Variants in TNR observed in about 807,000 individuals in gnomAD.
TNR encodes tenascin R.
Under a neutral mutation model 150.4 loss-of-function variants are expected in TNR, and 45 were observed. The observed-to-expected ratio is 0.30, with a 90% CI of 0.24 to 0.38. The LOEUF is 0.38. TNR is among the 10% of genes least tolerant of loss of function. The probability of loss-of-function intolerance (pLI) is 1.00; values close to 1 mark genes in which losing one functional copy is unlikely to be tolerated. For missense variants in TNR, 1,544 were observed against 1,759.1 expected (o/e 0.88, Z 2.19); for synonymous variants, 687 against 678.4 (o/e 1.01, Z -0.20).
chr1:175,454,505 CT>C (rs201898736), intron 2 of TNR, among the ~76,000 whole-genome samples: 12,591 of 152,224 alleles, frequency 0.083, 604 homozygotes, highest in Non-Finnish European at 0.11. Context: ...GAGTCTCGCT[CT>C]GTTGCCCAGG....
intron 1 of TNR, among the ~76,000 whole-genome samples, chr1:175,631,015 AC>A (rs1218609781): frequency 1.3e-5 from 2 of 152,190 alleles, no homozygotes; most frequent in Non-Finnish European, 1.5e-5. Context: ...GACTGGTACT[AC>A]CCAGGACTGG....
intron 9 of TNR, among the ~76,000 whole-genome samples, chr1:175,368,477 C>T (rs1261986841): frequency 6.6e-6 from 1 of 152,216 alleles, no homozygotes; most frequent in Non-Finnish European, 1.5e-5. Flanking sequence ...GTTGGTCCCA[C>T]CTGGATAGTA....
At chr1:175,454,859 G>T (rs777690907) in intron 2 of TNR, among the ~76,000 whole-genome samples, 1 of 152,258 alleles carries the variant, frequency 6.6e-6, no homozygotes, top group African/African-American at 2.4e-5. Context: ...GTGGGAACAC[G>T]GGCAGCTTTA....
chr1:175,561,466 T>C (rs59377605), intron 1 of TNR, among the ~76,000 whole-genome samples: 8 of 152,136 alleles, frequency 5.3e-5, no homozygotes, highest in African/African-American at 1.7e-4. Flanking sequence ...TTCACTCACA[T>C]GGAGGCAAAG....
chr1:175,565,318 G>A (rs544621817), intron 1 of TNR, among the ~76,000 whole-genome samples: 1 of 152,264 alleles, frequency 6.6e-6, no homozygotes, highest in Non-Finnish European at 1.5e-5. Context: ...TGACATCACA[G>A]AACAGAAATG....
At chr1:175,575,740 C>T (rs567593029) in intron 1 of TNR, among the ~76,000 whole-genome samples, 99 of 152,262 alleles carry the variant, frequency 6.5e-4, no homozygotes, top group African/African-American at 2.4e-3. Flanking sequence ...TGGGAGAGAG[C>T]CCGCACCACA....
intron 2 of TNR, among the ~76,000 whole-genome samples, chr1:175,523,410 C>A (rs1659722188): frequency 1.3e-5 from 2 of 152,142 alleles, no homozygotes; most frequent in South Asian, 2.1e-4. Context: ...AACTAAATAA[C>A]CTTTTCTTCG....
At chr1:175,670,279 C>T (rs1054161947) in intron 1 of TNR, among the ~76,000 whole-genome samples, 3 of 152,164 alleles carry the variant, frequency 2.0e-5, no homozygotes, top group Non-Finnish European at 4.4e-5. Flanking sequence ...ATTTCAATCA[C>T]ATCAGGATCT....
intron 20 of TNR, chr1:175,335,422 C>T (rs1650189851): frequency 6.9e-6 from 2 of 291,522 alleles, no homozygotes; most frequent in South Asian, 1.2e-4. Flanking sequence ...GTGCCCCTCA[C>T]CGACCAGGCA....
chr1:175,440,223 T>C (rs1056857629), intron 2 of TNR, among the ~76,000 whole-genome samples: 5 of 152,094 alleles, frequency 3.3e-5, no homozygotes, highest in Non-Finnish European at 5.9e-5. Context: ...ATGTCCTTTA[T>C]AGGGACATGG....
At chr1:175,624,920 A>G (rs1664098667) in intron 1 of TNR, among the ~76,000 whole-genome samples, 1 of 152,230 alleles carries the variant, frequency 6.6e-6, no homozygotes, top group Non-Finnish European at 1.5e-5. Flanking sequence ...AGGGAAGACC[A>G]GCCTTCAGCT....
intron 1 of TNR, among the ~76,000 whole-genome samples, chr1:175,578,674 T>A (rs1662218152): frequency 6.6e-6 from 1 of 152,222 alleles, no homozygotes; most frequent in Non-Finnish European, 1.5e-5. Context: ...GTGATGTGGC[T>A]TAATGAGGAG....
chr1:175,323,106 C>A lies in TNR; in HGVS notation c.*251G>T. On this transcript the variant is annotated 3_prime_UTR_variant, in exon 23 of 23. Transcript: ENST00000367674. Reference sequence around the variant, plus strand: ...CCTTTAAGAAAACTTCCTACTTCTCCTCCTTGGTGGGAAAGGAGGTGAAGG... The same window carrying A: ...CCTTTAAGAAAACTTCCTACTTCTCATCCTTGGTGGGAAAGGAGGTGAAGG... The A allele has an allele frequency of 2.6e-6, 1 of 382,680 alleles. No individual in the cohort carries two copies. The highest frequency in any genetic ancestry group is 4.5e-5 in the East Asian group (1 of 22,112). 23.7% of individuals were successfully genotyped at this position (382,680 alleles called of 1,614,324 possible). A position where few individuals can be genotyped will look rare whatever the true frequency, so the allele number is the denominator to read the frequency against.
At chr1:175,647,435 C>CAAA (rs397745737) in intron 1 of TNR, among the ~76,000 whole-genome samples, 3 of 121,658 alleles carry the variant, frequency 2.5e-5, no homozygotes, top group Non-Finnish European at 3.6e-5. Flanking sequence ...CTATTCGGTG[C>CAAA]AAAAAAAAAA....
At chr1:175,630,215 T>C (rs1221221795) in intron 1 of TNR, among the ~76,000 whole-genome samples, 1 of 152,198 alleles carries the variant, frequency 6.6e-6, no homozygotes, top group East Asian at 1.9e-4. Context: ...AGAAGAGATC[T>C]GAAGAGTAGC....
chr1:175,468,578 A>G (rs1476010373), intron 2 of TNR, among the ~76,000 whole-genome samples: 2 of 152,192 alleles, frequency 1.3e-5, no homozygotes, highest in African/African-American at 2.4e-5. Context: ...AATTAATCCA[A>G]TCTGAGGAAA....
At chr1:175,703,251 A>C (rs1003771112) in intron 1 of TNR, among the ~76,000 whole-genome samples, 1 of 152,226 alleles carries the variant, frequency 6.6e-6, no homozygotes, top group African/African-American at 2.4e-5. Flanking sequence ...TAGTAATGCA[A>C]TCATTATAGA....
intron 1 of TNR, among the ~76,000 whole-genome samples, chr1:175,682,640 A>T (rs1437225750): frequency 6.6e-6 from 1 of 152,146 alleles, no homozygotes; most frequent in Admixed American, 6.5e-5. Flanking sequence ...ACTCTGATGG[A>T]GAGGACTAGC....
At chr1:175,465,697 T>C (rs1035404170) in intron 2 of TNR, among the ~76,000 whole-genome samples, 1 of 152,154 alleles carries the variant, frequency 6.6e-6, no homozygotes, top group Non-Finnish European at 1.5e-5. Flanking sequence ...ATCCAGGAGC[T>C]CCACCTCCTC....
Sources: allele counts gnomAD v4.1 joint callset (sites outside exome capture counted in the v4.1 genomes callset), GRCh38; gene constraint gnomAD v4.1.1; transcripts MANE v1.5; gene names NCBI Gene and HGNC (gene_info 2026-07-23, HGNC 2026-07-21).